Variants in TRHDE observed in about 807,000 individuals in gnomAD.
TRHDE encodes thyrotropin releasing hormone degrading enzyme, also known as thyrotropin-releasing hormone-degrading ectoenzyme.
In TRHDE, 72 loss-of-function variants were observed where a neutral mutation model predicts 125.7. The ratio of observed to expected loss-of-function variants is 0.57; its 90% CI spans 0.47 to 0.70. The LOEUF (loss-of-function observed/expected upper bound fraction) is 0.70. TRHDE is among the 30% of genes least tolerant of loss of function. The pLI is 0.00. For synonymous variants in TRHDE, 509 were observed against 509.1 expected, an observed-to-expected ratio of 1.00 and a Z score of 0.00; for missense variants, 1,110 against 1,327.1, an observed-to-expected ratio of 0.84 and a Z score of 2.54.
chr12:72,305,828 A>G (rs368233600), intron 2 of TRHDE, among the ~76,000 whole-genome samples: 12 of 152,222 alleles, frequency 7.9e-5, no homozygotes, highest in Non-Finnish European at 1.5e-4. Context: ...CTGTGCCTAA[A>G]ACGTGGATTC....
rs190755220 is a variant in TRHDE, at chr12:72,178,082, G to A, written n.279+72330G>A. The stretch of plus-strand genomic sequence containing the variant: ...TCTATGATATTGAGCACCATTAATT[G>A]AAATGTTTGTGCCTTTGCTTTGATA... On this transcript the variant is annotated intron_variant and non_coding_transcript_variant, in intron 2 of 4. Coordinates refer to the TRHDE transcript ENST00000548156. 1.1e-3 allele frequency among the ~76,000 whole-genome samples: 171 copies of A among 152,214 alleles called. 1 individual carries two copies. Among genetic ancestry groups the A allele is most frequent in the Non-Finnish European group, 1.8e-3 (123 of 67,958 alleles).
chr12:72,551,459 T>A (rs1869667994), intron 7 of TRHDE, among the ~76,000 whole-genome samples: 1 of 152,162 alleles, frequency 6.6e-6, no homozygotes, highest in Non-Finnish European at 1.5e-5. Context: ...TTAAGAACAA[T>A]AACACATATA....
rs751243542 is a variant in TRHDE at position 72,495,060 on chromosome 12, G to GTTTTTTTTTTTTTTTTTTTTTTTT, written c.1585-4435_1585-4412dup. Among the ~76,000 whole-genome samples, 41 of 58,394 alleles carry GTTTTTTTTTTTTTTTTTTTTTTTT rather than the reference G, an allele frequency of 7.0e-4. 2 individuals are homozygous for GTTTTTTTTTTTTTTTTTTTTTTTT. The highest frequency in any genetic ancestry group is 8.9e-4 in the African/African-American group (12 of 13,488). The allele number at this position is 58,394 out of a possible 152,430, so 38.3% of individuals were successfully genotyped here. Reference sequence around the variant, plus strand: ...CATTTCTGTCAATAGTTCCTCCCCCGTTTTTTTTTTTTTTTTTTTTTTTTT... The same window carrying GTTTTTTTTTTTTTTTTTTTTTTTT: ...CATTTCTGTCAATAGTTCCTCCCCCGTTTTTTTTTTTTTTTTTTTTTTTTTTTTTTTTTTTTTTTTTTTTTTTTT... On this transcript the variant is annotated intron_variant, in intron 5 of 18. Coordinates refer to ENST00000261180, the MANE Select transcript of TRHDE (RefSeq NM_013381.3).
intron 2 of TRHDE, among the ~76,000 whole-genome samples, chr12:72,358,573 A>G (rs942600632): frequency 2.0e-5 from 3 of 151,524 alleles, no homozygotes; most frequent in Admixed American, 6.6e-5. Flanking sequence ...TGGGTTTTCT[A>G]TTGCGTGGGG....
intron 3 of TRHDE, among the ~76,000 whole-genome samples, chr12:72,441,084 A>G (rs1243350559): frequency 2.0e-5 from 3 of 151,840 alleles, no homozygotes; most frequent in African/African-American, 7.3e-5. Context: ...GTTCCATGCT[A>G]TCTCTTTAGA....
rs1424136611 is a variant in TRHDE, at chr12:72,372,529, C to T, written c.1189-5466C>T. Among the ~76,000 whole-genome samples, 19 of 152,208 alleles carry T rather than the reference C, an allele frequency of 1.2e-4. No individual in the cohort carries two copies. In the East Asian group the frequency reaches 2.5e-3, roughly 20 times the overall value. ...AGGGTTTTTATGGTTTTAGGTCTAA[C>T]GTTTAAGTCTGTAATCCATCTTGAA... On this transcript the variant is annotated intron_variant, in intron 2 of 18. Transcript: ENST00000261180.
intron 7 of TRHDE, among the ~76,000 whole-genome samples, chr12:72,552,249 G>T (rs1869713953): frequency 3.9e-5 from 6 of 152,164 alleles, no homozygotes. Flanking sequence ...GGCAAAAAAA[G>T]TGAGGAGGAT....
At chr12:72,354,757 G>A (rs542741270) in intron 2 of TRHDE, among the ~76,000 whole-genome samples, 40 of 149,284 alleles carry the variant, frequency 2.7e-4, no homozygotes, top group Non-Finnish European at 5.1e-4. Context: ...TATATAATAT[G>A]CATATACATG....
intron 1 of TRHDE, among the ~76,000 whole-genome samples, chr12:72,089,375 G>C (rs1332224321): frequency 6.6e-6 from 1 of 152,142 alleles, no homozygotes; most frequent in Non-Finnish European, 1.5e-5. Flanking sequence ...TCTCAGAAAA[G>C]TAAAGTCCTT....
intron 18 of TRHDE, among the ~76,000 whole-genome samples, chr12:72,659,332 ATCT>A (rs1485999157): frequency 6.6e-6 from 1 of 152,160 alleles, no homozygotes; most frequent in Admixed American, 6.6e-5. Flanking sequence ...AATGGAGATG[ATCT>A]TCTTGAACCT....
At chr12:72,595,075 G>C (rs1232443356) in intron 12 of TRHDE, among the ~76,000 whole-genome samples, 1 of 132,208 alleles carries the variant, frequency 7.6e-6, no homozygotes, top group Non-Finnish European at 1.6e-5. Flanking sequence ...AGAACACATG[G>C]ACACAAGAAG....
chr12:72,096,925 T>C (rs1874936923), intron 1 of TRHDE, among the ~76,000 whole-genome samples: 1 of 152,174 alleles, frequency 6.6e-6, no homozygotes, highest in Admixed American at 6.5e-5. Context: ...TCACATCTTC[T>C]CCACTTAAGA....
At chr12:72,409,207 A>G (rs530765867) in intron 3 of TRHDE, among the ~76,000 whole-genome samples, 2 of 152,334 alleles carry the variant, frequency 1.3e-5, no homozygotes, top group South Asian at 4.1e-4. Flanking sequence ...AATAATAACA[A>G]TAGAATCAGA....
chr12:72,161,743 A>G (rs1876642968), intron 2 of TRHDE, among the ~76,000 whole-genome samples: 2 of 152,180 alleles, frequency 1.3e-5, no homozygotes, highest in South Asian at 4.1e-4. Flanking sequence ...CATATTTAAG[A>G]ATGAGTTGGC....
At chr12:72,602,556 A>C (rs1872250228) in intron 12 of TRHDE, among the ~76,000 whole-genome samples, 1 of 152,138 alleles carries the variant, frequency 6.6e-6, no homozygotes, top group African/African-American at 2.4e-5. Flanking sequence ...CAAAAGTACC[A>C]TTTTTGCAAG....
At chr12:72,174,382 C>G (rs753672661) in intron 2 of TRHDE, among the ~76,000 whole-genome samples, 3 of 152,164 alleles carry the variant, frequency 2.0e-5, no homozygotes, top group Non-Finnish European at 4.4e-5. Flanking sequence ...AGAAACTAAT[C>G]TACAAAGTAA....
chr12:72,238,042 T>G (rs1878370578), intron 2 of TRHDE, among the ~76,000 whole-genome samples: 2 of 151,652 alleles, frequency 1.3e-5, no homozygotes, highest in Admixed American at 1.3e-4. Flanking sequence ...CTGAAAGCCA[T>G]GGTAAGGACT....
intron 3 of TRHDE, among the ~76,000 whole-genome samples, chr12:72,413,978 T>A (rs1281553248): frequency 6.6e-6 from 1 of 152,094 alleles, no homozygotes; most frequent in East Asian, 1.9e-4. Context: ...CTTAGTAAGG[T>A]GACTTTTAAA....
At chr12:72,564,275 A>C (rs1489480962) in intron 9 of TRHDE, among the ~76,000 whole-genome samples, 1 of 152,112 alleles carries the variant, frequency 6.6e-6, no homozygotes, top group Non-Finnish European at 1.5e-5. Context: ...TGGATTTCCC[A>C]CATCTGCCAA....
Sources: allele counts gnomAD v4.1 joint callset (sites outside exome capture counted in the v4.1 genomes callset), GRCh38; gene constraint gnomAD v4.1.1; transcripts MANE v1.5; gene names NCBI Gene and HGNC (gene_info 2026-07-23, HGNC 2026-07-21).